The following NCKAP1L variants were observed in gnomAD, a reference collection of about 807,000 sequenced individuals.
NCKAP1L encodes NCK associated protein 1 like, also known as nck-associated protein 1-like.
Under a neutral mutation model 139.2 loss-of-function variants are expected in NCKAP1L, and 53 were observed. That is an observed-to-expected ratio of 0.38 (90% CI 0.31 to 0.48). NCKAP1L has a LOEUF of 0.48. Among genes scored for constraint, NCKAP1L ranks in the 20% least tolerant of loss-of-function variants. NCKAP1L has a pLI of 0.98. For synonymous variants in NCKAP1L, 468 were observed against 499.7 expected (o/e 0.94, Z 0.85); for missense variants, 1,151 against 1,381.9 (o/e 0.83, Z 2.65).
rs537163962 is a variant in NCKAP1L, at chr12:54,538,972, T to C, written c.3272T>C (p.Leu1091Ser). 1.2e-6 allele frequency: 2 copies of C among 1,613,544 alleles called. No individual in the cohort carries two copies. Among genetic ancestry groups the C allele is most frequent in the South Asian group, 2.2e-5 (2 of 91,076 alleles). Reference sequence around the variant, plus strand: ...GAATCCATTTCTCTGCTCATGCGCTTGGTAAGTACCTTATTTAAATTGGTG... The same window carrying C: ...GAATCCATTTCTCTGCTCATGCGCTCGGTAAGTACCTTATTTAAATTGGTG... ...NRESISLLMR[L>S]VVEESSFLTL... is the part of the protein sequence containing the mutation. Residue 1091 changes from leucine (L) to serine (S), a missense_variant and splice_region_variant, in exon 30 of 31, where the codon TTG (leucine) becomes TCG (serine). Physicochemically the swap from Leu to Ser is moderately radical, Grantham distance 145. Transcript: ENST00000293373.
intron 29 of NCKAP1L, 121 bp downstream of exon 29, chr12:54,537,174 C>A: frequency 1.6e-6 from 1 of 614,616 alleles, no homozygotes; most frequent in Non-Finnish European, 2.8e-6. Flanking sequence ...CTAATTCATT[C>A]AGTAAAGAGT....
intron 7 of NCKAP1L, chr12:54,510,414 C>T (rs1402226652): frequency 1.5e-5 from 6 of 397,244 alleles, no homozygotes; most frequent in Middle Eastern, 4.6e-4. Flanking sequence ...GCCTCCACCT[C>T]CTGGGCTCAA....
chr12:54,536,714 C>T (rs1362845823), intron 28 of NCKAP1L, among the ~76,000 whole-genome samples: 1 of 82,612 alleles, frequency 1.2e-5, no homozygotes, highest in South Asian at 5.4e-4. Context: ...ACCCCCTACC[C>T]TGAAAAAAAA....
intron 14 of NCKAP1L, 25 bp from the exon 15 acceptor site, chr12:54,518,889 T>A (rs1227591371): frequency 6.2e-7 from 1 of 1,607,592 alleles, no homozygotes. Flanking sequence ...TATTGTTTCC[T>A]TTTATACTTC....
intron 9 of NCKAP1L, among the ~76,000 whole-genome samples, chr12:54,512,786 G>C (rs12321481): frequency 6.9e-6 from 1 of 145,578 alleles, no homozygotes; most frequent in South Asian, 2.2e-4. Context: ...GTGTGTGTGT[G>C]TGTGTATGTG....
chr12:54,498,008 A>C, intron 1 of NCKAP1L, 117 bp downstream of exon 1: 1 of 648,600 alleles, frequency 1.5e-6, no homozygotes, highest in Non-Finnish European at 2.8e-6. Context: ...TTTTCCACTG[A>C]CTATAATCTA....
chr12:54,528,869 T>A (rs1348371546), intron 22 of NCKAP1L, among the ~76,000 whole-genome samples: 3 of 152,070 alleles, frequency 2.0e-5, no homozygotes, highest in Admixed American at 6.6e-5. Flanking sequence ...TCTCCTGACC[T>A]TGTGATCTGC....
Position 54,535,279 on chromosome 12 carries a change from A to C in NCKAP1L, c.2956+82A>C. On this transcript the variant is annotated intron_variant, in intron 27 of 30. Transcript: ENST00000293373. Reference sequence around the variant, plus strand: ...GGTGAAAAAATGTCAATGTCAAAGAAGCCTTTATTTGAGATTATATATTCA... The same window carrying C: ...GGTGAAAAAATGTCAATGTCAAAGACGCCTTTATTTGAGATTATATATTCA... 5 of 1,063,312 alleles carry C rather than the reference A, an allele frequency of 4.7e-6. No individual in the cohort carries two copies. The South Asian group carries it at 6.7e-5, about 14-fold the overall frequency. The allele number at this position is 1,063,312 out of a possible 1,614,324, so 65.9% of individuals were successfully genotyped here.
intron 5 of NCKAP1L, among the ~76,000 whole-genome samples, chr12:54,509,107 G>A (rs533586589): frequency 3.7e-4 from 57 of 152,248 alleles, no homozygotes; most frequent in African/African-American, 1.3e-3. Context: ...TAACTAATGC[G>A]TGATAATACA....
Position 54,523,806 on chromosome 12 carries a change from G to C in NCKAP1L, c.2025-19G>C. On this transcript the variant is annotated intron_variant, in intron 19 of 30. Coordinates refer to ENST00000293373, the MANE Select transcript of NCKAP1L (RefSeq NM_005337.5). ...CAGGCAGTGCCAGACCTGTAATCCAGGCTCATTTTCCTTTCTAGCATGGAC... is the reference window on the plus strand; with the variant it reads ...CAGGCAGTGCCAGACCTGTAATCCACGCTCATTTTCCTTTCTAGCATGGAC... 2 of 1,609,368 alleles carry C rather than the reference G, an allele frequency of 1.2e-6. No individual in the cohort carries two copies. The highest frequency in any genetic ancestry group is 1.7e-6 in the Non-Finnish European group (2 of 1,177,468).
chr12:54,541,444 T>C (rs1347528125), intron 30 of NCKAP1L, among the ~76,000 whole-genome samples: 1 of 152,176 alleles, frequency 6.6e-6, no homozygotes, highest in East Asian at 1.9e-4. Context: ...TACCTGAGGA[T>C]AGCACCTTGG....
intron 10 of NCKAP1L, 92 bp downstream of exon 10, chr12:54,516,387 C>T: frequency 8.4e-7 from 1 of 1,184,974 alleles, no homozygotes; most frequent in Admixed American, 1.8e-5. Context: ...AGTTTCTGTA[C>T]AGCTTTATTG....
At chr12:54,529,361 C>T (rs984053294) in intron 22 of NCKAP1L, among the ~76,000 whole-genome samples, 1 of 152,130 alleles carries the variant, frequency 6.6e-6, no homozygotes, top group Non-Finnish European at 1.5e-5. Flanking sequence ...GGGTTTGAAA[C>T]TACAAGATCC....
chr12:54,521,305 C>A, intron 18 of NCKAP1L, 67 bp downstream of exon 18: 1 of 1,585,014 alleles, frequency 6.3e-7, no homozygotes, highest in Non-Finnish European at 8.6e-7. Context: ...CTCTATCTAA[C>A]TTTGTTTCCC....
chr12:54,529,165 C>G (rs1957048657), intron 22 of NCKAP1L, among the ~76,000 whole-genome samples: 1 of 152,166 alleles, frequency 6.6e-6, no homozygotes, highest in South Asian at 2.1e-4. Context: ...AGGAACTTGC[C>G]TAAGTCCACA....
chr12:54,506,796 A>AAAAAT lies in NCKAP1L; in HGVS notation c.307-1056_307-1055insAAATA. 8.9e-3 allele frequency among the ~76,000 whole-genome samples: 448 copies of AAAAAT among 50,588 alleles called. 5 individuals are homozygous for AAAAAT. The highest frequency in any genetic ancestry group is 0.018 in the African/African-American group (161 of 9,060). The allele number at this position is 50,588 out of a possible 152,430, so 33.2% of individuals were successfully genotyped here. A position where few individuals can be genotyped will look rare whatever the true frequency, so the allele number is the denominator to read the frequency against. ...TTTTGGCAACATATTAAAAAAAAAAAATATATATATATATATATATATATA... is the reference window on the plus strand; with the variant it reads ...TTTTGGCAACATATTAAAAAAAAAAAAAAATATATATATATATATATATATATATA... On this transcript the variant is annotated intron_variant, in intron 3 of 30. Coordinates refer to ENST00000293373, the MANE Select transcript of NCKAP1L (RefSeq NM_005337.5).
At chr12:54,532,445 G>A (rs1422728760) in intron 26 of NCKAP1L, among the ~76,000 whole-genome samples, 195 bp downstream of exon 26, 1 of 152,094 alleles carries the variant, frequency 6.6e-6, no homozygotes, top group Non-Finnish European at 1.5e-5. Flanking sequence ...GGGATGGAGA[G>A]AAGTGGGAGG....
rs201172877 is a variant in NCKAP1L at position 54,500,550 on chromosome 12, A to G, written c.231A>G (p.Val77=). The change falls in exon 3 of 31, where the codon GTA becomes GTG. Residue 77 remains valine (V), a synonymous_variant. Transcript: ENST00000293373. Reference sequence around the variant, plus strand: ...TCTCTCAGCAACATTTAGGACCAGTACATCGTGAAAAAGCCGAGATAATTA... The same window carrying G: ...TCTCTCAGCAACATTTAGGACCAGTGCATCGTGAAAAAGCCGAGATAATTA... ...VRNSTQHLGP[V]HREKAEIIRF... The G allele has an allele frequency of 6.2e-7, 1 of 1,612,326 alleles. No individual in the cohort carries two copies. The highest frequency in any genetic ancestry group is 8.5e-7 in the Non-Finnish European group (1 of 1,178,492).
chr12:54,535,063 T>A (rs1957103685), intron 26 of NCKAP1L, 41 bp from the exon 27 acceptor site: 1 of 1,539,908 alleles, frequency 6.5e-7, no homozygotes, highest in East Asian at 2.3e-5. Context: ...AGCCATTGTG[T>A]CCTGCGAATC....
Sources: allele counts gnomAD v4.1 joint callset (sites outside exome capture counted in the v4.1 genomes callset), GRCh38; gene constraint gnomAD v4.1.1; transcripts MANE v1.5; gene names NCBI Gene and HGNC (gene_info 2026-07-23, HGNC 2026-07-21).